The following FBXL7 variants were observed in gnomAD, a reference collection of about 807,000 sequenced individuals.
The protein encoded by FBXL7 is F-box/LRR-repeat protein 7.
Under a neutral mutation model 38.3 loss-of-function variants are expected in FBXL7, and 12 were observed. That is an observed-to-expected ratio of 0.31 (90% CI 0.20 to 0.51). The LOEUF (loss-of-function observed/expected upper bound fraction) is 0.51. FBXL7 is among the 20% of genes least tolerant of loss of function. FBXL7 has a pLI of 0.98. For missense variants in FBXL7, 567 were observed against 676.4 expected, an observed-to-expected ratio of 0.84 and a Z score of 1.79; for synonymous variants, 297 against 300.9, an observed-to-expected ratio of 0.99 and a Z score of 0.13.
At chr5:15,708,437 C>T (rs987443127) in intron 2 of FBXL7, among the ~76,000 whole-genome samples, 3 of 152,196 alleles carry the variant, frequency 2.0e-5, no homozygotes, top group African/African-American at 4.8e-5. Flanking sequence ...AGTTCCTTTA[C>T]CTGAAACATG....
At chr5:15,776,423 A>G (rs1335886948) in intron 2 of FBXL7, among the ~76,000 whole-genome samples, 1 of 152,106 alleles carries the variant, frequency 6.6e-6, no homozygotes, top group East Asian at 1.9e-4. Flanking sequence ...AGATGGAAGG[A>G]AGCTGCCAAA....
At chr5:15,923,616 A>G (rs1741802942) in intron 2 of FBXL7, among the ~76,000 whole-genome samples, 1 of 152,172 alleles carries the variant, frequency 6.6e-6, no homozygotes, top group Non-Finnish European at 1.5e-5. Context: ...GCATCTCTGT[A>G]CTTTTTACTT....
At chr5:15,726,941 G>T (rs990322095) in intron 2 of FBXL7, among the ~76,000 whole-genome samples, 1 of 151,366 alleles carries the variant, frequency 6.6e-6, no homozygotes, top group Non-Finnish European at 1.5e-5. Context: ...GTGTTTAGTT[G>T]ATTTTTTGTG....
chr5:15,536,499 A>G (rs1737588853), intron 1 of FBXL7, among the ~76,000 whole-genome samples: 1 of 152,190 alleles, frequency 6.6e-6, no homozygotes, highest in Admixed American at 6.5e-5. Flanking sequence ...GATGTGAGAC[A>G]TGGAGTCAAA....
At chr5:15,864,472 C>T (rs1739619622) in intron 2 of FBXL7, among the ~76,000 whole-genome samples, 1 of 151,942 alleles carries the variant, frequency 6.6e-6, no homozygotes, top group Non-Finnish European at 1.5e-5. Context: ...ACTAAGACAC[C>T]ATTTCCAGAA....
Position 15,692,428 on chromosome 5 carries a change from C to G in FBXL7, c.127+76356C>G, listed in dbSNP as rs373317903. 1.3e-4 allele frequency among the ~76,000 whole-genome samples: 20 copies of G among 152,258 alleles called. No homozygotes were observed. In the South Asian group the frequency reaches 3.9e-3, roughly 30 times the overall value. On this transcript the variant is annotated intron_variant, in intron 2 of 3. Coordinates refer to ENST00000504595, the MANE Select transcript of FBXL7 (RefSeq NM_012304.5). ...CTAACATCTGCAGCGGACTTTGGCC[C>G]ATTCTGTATCTCCCTCTGTTGTCTT...
chr5:15,841,790 G>T (rs257766), intron 2 of FBXL7, among the ~76,000 whole-genome samples: 125,873 of 152,222 alleles, frequency 0.83, 52,578 homozygotes, highest in African/African-American at 0.91. Flanking sequence ...CTTCAGAGGA[G>T]GCAAGCCCCA....
intron 3 of FBXL7, chr5:15,935,197 A>C (rs376323719): frequency 3.7e-6 from 2 of 534,664 alleles, no homozygotes; most frequent in Non-Finnish European, 7.7e-6. Flanking sequence ...GATCCTTGGG[A>C]GCCCTGTTAG....
rs554198668 is a variant in FBXL7, at chr5:15,847,094, G to A, written c.128-80796G>A. Among the ~76,000 whole-genome samples, 729 of 152,170 alleles carry A rather than the reference G, an allele frequency of 4.8e-3. 5 individuals are homozygous for A. Among genetic ancestry groups the A allele is most frequent in the Non-Finnish European group, 5.6e-3 (382 of 68,014 alleles). On this transcript the variant is annotated intron_variant, in intron 2 of 3. Coordinates refer to ENST00000504595, the MANE Select transcript of FBXL7 (RefSeq NM_012304.5). ...AGCATACTGATCCAGAGTTTTAAAG[G>A]AAGCACTGCTTTACCCAGTGTGGTA... is the stretch of plus-strand genomic sequence containing the variant.
intron 2 of FBXL7, among the ~76,000 whole-genome samples, chr5:15,649,338 T>C (rs938262740): frequency 1.3e-5 from 2 of 152,192 alleles, no homozygotes; most frequent in African/African-American, 4.8e-5. Flanking sequence ...TAATTTGACA[T>C]TGGAAATCTA....
chr5:15,687,015 C>G (rs1037661070), intron 2 of FBXL7, among the ~76,000 whole-genome samples: 1 of 152,170 alleles, frequency 6.6e-6, no homozygotes, highest in Non-Finnish European at 1.5e-5. Flanking sequence ...CAAACCCATC[C>G]CCATATCCTG....
At chr5:15,786,221 T>G (rs922527729) in intron 2 of FBXL7, among the ~76,000 whole-genome samples, 58 of 152,308 alleles carry the variant, frequency 3.8e-4, no homozygotes, top group African/African-American at 1.1e-3. Flanking sequence ...GAAATTAAAA[T>G]TAGATGGCAT....
intron 2 of FBXL7, among the ~76,000 whole-genome samples, chr5:15,779,727 A>G (rs2126719618): frequency 6.6e-6 from 1 of 152,310 alleles, no homozygotes; most frequent in Middle Eastern, 3.4e-3. Flanking sequence ...AGTCTTTTAG[A>G]TACAGTCAGC....
At chr5:15,795,808 T>G (rs1485716952) in intron 2 of FBXL7, among the ~76,000 whole-genome samples, 2 of 152,184 alleles carry the variant, frequency 1.3e-5, no homozygotes, top group Non-Finnish European at 2.9e-5. Context: ...GTTTGCCTAT[T>G]CAGAGATCCA....
chr5:15,744,028 A>G (rs1186381322), intron 2 of FBXL7, among the ~76,000 whole-genome samples: 3 of 152,122 alleles, frequency 2.0e-5, no homozygotes, highest in African/African-American at 4.8e-5. Flanking sequence ...AACCCAAGAA[A>G]CCATTTCTGC....
intron 2 of FBXL7, among the ~76,000 whole-genome samples, chr5:15,764,440 T>C (rs1736531368): frequency 6.6e-6 from 1 of 152,274 alleles, no homozygotes; most frequent in East Asian, 1.9e-4. Context: ...GTGAACATTA[T>C]AAGCAGACAG....
At chr5:15,531,192 G>A (rs1334279721) in intron 1 of FBXL7, among the ~76,000 whole-genome samples, 2 of 152,112 alleles carry the variant, frequency 1.3e-5, no homozygotes, top group Non-Finnish European at 2.9e-5. Flanking sequence ...GTATAGTATT[G>A]TATAGCATAG....
At chr5:15,560,650 T>C (rs1738383464) in intron 1 of FBXL7, among the ~76,000 whole-genome samples, 1 of 152,178 alleles carries the variant, frequency 6.6e-6, no homozygotes, top group African/African-American at 2.4e-5. Flanking sequence ...AATGCAAAAC[T>C]GTATGCCCGT....
intron 1 of FBXL7, among the ~76,000 whole-genome samples, chr5:15,557,006 C>T (rs755815569): frequency 4.8e-4 from 73 of 152,108 alleles, no homozygotes; most frequent in Non-Finnish European, 1.0e-3. Flanking sequence ...GGCGCGATCT[C>T]GGCTCACTGC....
Sources: gnomAD v4.1 joint callset for allele counts (sites outside exome capture counted in the v4.1 genomes callset) on GRCh38, gnomAD v4.1.1 for gene constraint, MANE v1.5 for transcripts, NCBI Gene and HGNC (gene_info 2026-07-23, HGNC 2026-07-21) for gene names.